LRRTM4: variants seen among roughly 807,000 people sequenced by gnomAD.
The protein encoded by LRRTM4 is leucine-rich repeat transmembrane neuronal protein 4.
Under a neutral mutation model 47.6 loss-of-function variants are expected in LRRTM4, and 25 were observed. The ratio of observed to expected loss-of-function variants is 0.53; its 90% CI spans 0.38 to 0.73. The LOEUF is 0.73. LRRTM4 is among the 30% of genes least tolerant of loss of function. The pLI is 0.00. For missense variants in LRRTM4, 638 were observed against 713.4 expected (o/e 0.89, Z 1.20); for synonymous variants, 311 against 269.5 (o/e 1.15, Z -1.51).
At chr2:76,778,986 A>C (rs1408368222) in intron 3 of LRRTM4, among the ~76,000 whole-genome samples, 3 of 144,738 alleles carry the variant, frequency 2.1e-5, no homozygotes, top group Non-Finnish European at 3.0e-5. Flanking sequence ...GTTTCAAAGA[A>C]CATCCTTATT....
At chr2:76,758,250 T>TA (rs1673132428) in intron 3 of LRRTM4, among the ~76,000 whole-genome samples, 1 of 152,162 alleles carries the variant, frequency 6.6e-6, no homozygotes. Context: ...GGGCATTCAG[T>TA]AAAACCCAGG....
intron 3 of LRRTM4, among the ~76,000 whole-genome samples, chr2:77,440,944 G>A (rs945636339): frequency 6.6e-6 from 1 of 152,146 alleles, no homozygotes; most frequent in Non-Finnish European, 1.5e-5. Flanking sequence ...ATCCAATGAA[G>A]AAATGTTGTC....
chr2:77,265,417 G>A (rs1676025394), intron 3 of LRRTM4, among the ~76,000 whole-genome samples: 1 of 151,972 alleles, frequency 6.6e-6, no homozygotes, highest in African/African-American at 2.4e-5. Flanking sequence ...AAAAGAATGA[G>A]CGTGGCATTT....
At chr2:77,020,064 C>A (rs576513292) in intron 3 of LRRTM4, among the ~76,000 whole-genome samples, 26 of 152,058 alleles carry the variant, frequency 1.7e-4, no homozygotes, top group African/African-American at 6.0e-4. Context: ...ACTTATGAAT[C>A]TAAGGATGTG....
At chr2:77,107,095 A>G (rs1362408906) in intron 3 of LRRTM4, among the ~76,000 whole-genome samples, 1 of 152,148 alleles carries the variant, frequency 6.6e-6, no homozygotes. Context: ...ATTTTAAAAC[A>G]TGTTAATCTA....
chr2:76,766,739 T>C (rs1673471553), intron 3 of LRRTM4, among the ~76,000 whole-genome samples: 1 of 152,236 alleles, frequency 6.6e-6, no homozygotes, highest in Non-Finnish European at 1.5e-5. Flanking sequence ...GCAATTTTCC[T>C]CCTAGGGAAT....
chr2:76,902,749 C>A (rs1655021382), intron 3 of LRRTM4, among the ~76,000 whole-genome samples: 1 of 152,162 alleles, frequency 6.6e-6, no homozygotes, highest in African/African-American at 2.4e-5. Flanking sequence ...TTATTTTTCA[C>A]TGAGCACTTG....
chr2:76,832,082 T>C (rs558839712), intron 3 of LRRTM4, among the ~76,000 whole-genome samples: 1 of 152,108 alleles, frequency 6.6e-6, no homozygotes, highest in African/African-American at 2.4e-5. Flanking sequence ...AGTAATTTAA[T>C]GTAGGCTCCT....
At chr2:77,250,448 A>G (rs1675572351) in intron 3 of LRRTM4, among the ~76,000 whole-genome samples, 1 of 152,188 alleles carries the variant, frequency 6.6e-6, no homozygotes, top group Admixed American at 6.5e-5. Flanking sequence ...CTTCTGTCCA[A>G]TTTTATAGTG....
intron 3 of LRRTM4, among the ~76,000 whole-genome samples, chr2:77,475,613 T>A (rs1677356268): frequency 6.6e-6 from 1 of 152,018 alleles, no homozygotes; most frequent in Non-Finnish European, 1.5e-5. Flanking sequence ...TTAGATTAAA[T>A]AATATACATA....
In LRRTM4 at chr2:77,156,326, C is replaced by CAA. The variant is rs11465198; in HGVS notation, c.1551+361990_1551+361991dup. Among the ~76,000 whole-genome samples the CAA allele has an allele frequency of 6.9e-3, 1,007 of 146,516 alleles. 6 individuals carry two copies. The highest frequency in any genetic ancestry group is 0.018 in the Middle Eastern group (5 of 278). ...ACAAACATAAGTAAAAGACACAATA[C>CAA]AAAAAAAAACAGAAAAAAGTCATAT... is the stretch of plus-strand genomic sequence containing the variant. On this transcript the variant is annotated intron_variant, in intron 3 of 3. Coordinates refer to ENST00000409884, the MANE Select transcript of LRRTM4 (RefSeq NM_001134745.3).
intron 3 of LRRTM4, among the ~76,000 whole-genome samples, chr2:77,441,920 C>A (rs530553945): frequency 1.3e-5 from 2 of 152,240 alleles, no homozygotes; most frequent in Admixed American, 1.3e-4. Context: ...TTTGAATTTT[C>A]TGCCAAATAT....
intron 3 of LRRTM4, among the ~76,000 whole-genome samples, chr2:77,446,743 T>G (rs1028454382): frequency 6.6e-6 from 1 of 152,056 alleles, no homozygotes; most frequent in African/African-American, 2.4e-5. Context: ...ATGATGCGCT[T>G]CCCAAGATAT....
chr2:77,494,580 C>T (rs1436649776), intron 3 of LRRTM4, among the ~76,000 whole-genome samples: 1 of 139,824 alleles, frequency 7.2e-6, no homozygotes, highest in African/African-American at 2.6e-5. Context: ...CTATGTACTG[C>T]TTTTCCCATT....
intron 3 of LRRTM4, among the ~76,000 whole-genome samples, chr2:77,042,509 T>C (rs1302400157): frequency 6.6e-6 from 1 of 151,722 alleles, no homozygotes; most frequent in African/African-American, 2.4e-5. Flanking sequence ...ATATTATAGG[T>C]ACTCAACCAA....
intron 3 of LRRTM4, among the ~76,000 whole-genome samples, chr2:76,781,295 C>G (rs1239008525): frequency 7.0e-6 from 1 of 142,506 alleles, no homozygotes; most frequent in Non-Finnish European, 1.5e-5. Context: ...TTCGAGCTTC[C>G]TGGCTGCTTT....
At chr2:76,812,809 T>TCCCCCCCCTCCTCC (rs1412687432) in intron 3 of LRRTM4, among the ~76,000 whole-genome samples, 2 of 74,086 alleles carry the variant, frequency 2.7e-5, no homozygotes, top group African/African-American at 1.3e-4. Context: ...CTCCTCCTCC[T>TCCCCCCCCTCCTCC]TATTCTTCCT....
chr2:77,333,903 A>G (rs1573268675), intron 3 of LRRTM4, among the ~76,000 whole-genome samples: 1 of 152,136 alleles, frequency 6.6e-6, no homozygotes, highest in African/African-American at 2.4e-5. Flanking sequence ...TAGTGGCTGT[A>G]CCCTGCAAAG....
intron 3 of LRRTM4, among the ~76,000 whole-genome samples, chr2:77,306,716 C>T (rs1677282393): frequency 6.6e-6 from 1 of 151,696 alleles, no homozygotes; most frequent in South Asian, 2.1e-4. Flanking sequence ...CCCTGACTTT[C>T]AAATATGCTG....
Sources: gnomAD v4.1 joint callset for allele counts (sites outside exome capture counted in the v4.1 genomes callset) on GRCh38, gnomAD v4.1.1 for gene constraint, MANE v1.5 for transcripts, NCBI Gene and HGNC (gene_info 2026-07-23, HGNC 2026-07-21) for gene names.